Variants in CASQ2 observed in about 807,000 individuals in gnomAD.
The protein encoded by CASQ2 is calsequestrin 2, also known as calsequestrin-2.
A neutral mutation model predicts 46.5 loss-of-function variants in CASQ2; 49 were observed. The ratio of observed to expected loss-of-function variants is 1.05; its 90% CI spans 0.84 to 1.34. CASQ2 has a LOEUF of 1.34. CASQ2 is among the 40% of genes most tolerant of loss of function. CASQ2 has a pLI of 0.00. For missense variants in CASQ2, 486 were observed against 481.3 expected (o/e 1.01, Z -0.09); for synonymous variants, 174 against 168.5 (o/e 1.03, Z -0.25).
At chr1:115,760,231 T>A (rs906167359) in intron 1 of CASQ2, among the ~76,000 whole-genome samples, 1 of 152,248 alleles carries the variant, frequency 6.6e-6, no homozygotes, top group African/African-American at 2.4e-5. Context: ...AACATGATTC[T>A]GGTCATCTGG....
intron 7 of CASQ2, among the ~76,000 whole-genome samples, chr1:115,722,530 G>A (rs1175457330): frequency 6.6e-6 from 1 of 152,162 alleles, no homozygotes; most frequent in Non-Finnish European, 1.5e-5. Context: ...GCTATGACAG[G>A]AAGGAAAGAC....
chr1:115,718,046 C>T (rs1392388346), intron 7 of CASQ2, 152 bp from the exon 8 acceptor site: 23 of 701,772 alleles, frequency 3.3e-5, no homozygotes, highest in Non-Finnish European at 4.7e-5. Context: ...AGGAGTACAG[C>T]GGGGCTCACA....
At chr1:115,736,550 T>A (rs570712663) in intron 4 of CASQ2, among the ~76,000 whole-genome samples, 1 of 151,966 alleles carries the variant, frequency 6.6e-6, no homozygotes, top group Non-Finnish European at 1.5e-5. Context: ...GGCAGGAGAA[T>A]CACTTGAACC....
At chr1:115,751,038 CA>C in intron 1 of CASQ2, among the ~76,000 whole-genome samples, 1 of 151,784 alleles carries the variant, frequency 6.6e-6, no homozygotes, top group Admixed American at 6.6e-5. Context: ...GACTTGTCCA[CA>C]AGCCTGTGCT....
chr1:115,743,725 C>G (rs1024428617), intron 2 of CASQ2, among the ~76,000 whole-genome samples: 2 of 148,736 alleles, frequency 1.3e-5, no homozygotes, highest in Non-Finnish European at 3.0e-5. Flanking sequence ...TACTCCAAAT[C>G]CAATTAACCT....
At chr1:115,743,508 TG>T (rs1177623221) in intron 2 of CASQ2, among the ~76,000 whole-genome samples, 1 of 152,224 alleles carries the variant, frequency 6.6e-6, no homozygotes, top group African/African-American at 2.4e-5. Context: ...CCTCCCAAAG[TG>T]CCCAGACATT....
intron 7 of CASQ2, 26 bp downstream of exon 7, chr1:115,725,482 G>A (rs761205574): frequency 1.2e-6 from 2 of 1,608,104 alleles, no homozygotes; most frequent in Non-Finnish European, 1.7e-6. Context: ...TCTCTACAAG[G>A]CAAAGAGAGT....
intron 1 of CASQ2, among the ~76,000 whole-genome samples, chr1:115,760,587 G>T (rs948504769): frequency 3.3e-5 from 5 of 152,190 alleles, no homozygotes; most frequent in Non-Finnish European, 5.9e-5. Context: ...TAAGCGTCAG[G>T]TTTCAAGTGG....
chr1:115,738,168 AC>A, intron 4 of CASQ2, 55 bp downstream of exon 4: 1 of 1,053,956 alleles, frequency 9.5e-7, no homozygotes. Flanking sequence ...AACCTGACAT[AC>A]CTTGTTTGGA....
chr1:115,711,126 G>A (rs1158995097), intron 8 of CASQ2, among the ~76,000 whole-genome samples: 3 of 152,178 alleles, frequency 2.0e-5, no homozygotes, highest in African/African-American at 7.2e-5. Context: ...CCACTCCTGG[G>A]GGAGCTGGCT....
intron 1 of CASQ2, among the ~76,000 whole-genome samples, chr1:115,761,498 AG>A (rs1648957466): frequency 1.4e-5 from 1 of 71,426 alleles, no homozygotes; most frequent in African/African-American, 6.8e-5. Context: ...GAGAAGAAGG[AG>A]AAGAAGAAGA....
intron 2 of CASQ2, among the ~76,000 whole-genome samples, chr1:115,743,036 C>T (rs1409806953): frequency 6.6e-6 from 1 of 152,038 alleles, no homozygotes; most frequent in Non-Finnish European, 1.5e-5. Context: ...GATCCGCCTG[C>T]CTTGGCCTCC....
intron 1 of CASQ2, among the ~76,000 whole-genome samples, chr1:115,759,812 T>C (rs1648878784): frequency 6.6e-6 from 1 of 152,190 alleles, no homozygotes; most frequent in African/African-American, 2.4e-5. Flanking sequence ...GGTTCTTAGA[T>C]TTGCCATCTC....
chr1:115,753,003 C>T (rs898972604), intron 1 of CASQ2, among the ~76,000 whole-genome samples: 1 of 151,884 alleles, frequency 6.6e-6, no homozygotes, highest in Non-Finnish European at 1.5e-5. Flanking sequence ...GGAGAGAGAT[C>T]AAAGAAGAGG....
chr1:115,715,634 G>T (rs1308192331), intron 8 of CASQ2, among the ~76,000 whole-genome samples: 1 of 152,172 alleles, frequency 6.6e-6, no homozygotes, highest in African/African-American at 2.4e-5. Context: ...ACAACTTTGT[G>T]AATGTCCTAA....
chr1:115,761,938 C>T (rs543415778), intron 1 of CASQ2, among the ~76,000 whole-genome samples: 2 of 152,094 alleles, frequency 1.3e-5, no homozygotes, highest in African/African-American at 4.8e-5. Flanking sequence ...CATTTAATAC[C>T]GAAGAAAGCT....
rs1368212930 is a variant in CASQ2, at chr1:115,740,675, C to T, written c.420+53G>A. The T allele has an allele frequency of 1.4e-5, 16 of 1,118,026 alleles. No homozygotes were observed. In the Admixed American group the frequency reaches 2.4e-4, roughly 17 times the overall value. 69.3% of individuals were successfully genotyped at this position (1,118,026 alleles called of 1,614,324 possible). On this transcript the variant is annotated intron_variant, in intron 3 of 10. Coordinates refer to ENST00000261448, the MANE Select transcript of CASQ2 (RefSeq NM_001232.4). ...CCTTTCTTTGGGGTTCTATCTCTCC[C>T]TATATTTGAGGAGAGGCAGCTCCAT...
chr1:115,701,104 G>T lies in CASQ2; in HGVS notation c.*137C>A. ...TGAATGATGCTGCTCCTGACGCAAA[G>T]GGAGTGGGAAAAGAGATGATGGAAA... On this transcript the variant is annotated 3_prime_UTR_variant, in exon 11 of 11. Coordinates refer to ENST00000261448, the MANE Select transcript of CASQ2 (RefSeq NM_001232.4). The T allele has an allele frequency of 7.5e-7, 1 of 1,329,848 alleles. No individual in the cohort carries two copies. Among genetic ancestry groups the T allele is most frequent in the Non-Finnish European group, 1.1e-6 (1 of 924,922 alleles). The allele number at this position is 1,329,848 out of a possible 1,614,324, so 82.4% of individuals were successfully genotyped here.
chr1:115,736,656 G>A (rs777343079), intron 4 of CASQ2, among the ~76,000 whole-genome samples: 1 of 152,112 alleles, frequency 6.6e-6, no homozygotes, highest in East Asian at 1.9e-4. Context: ...CTATATTCTT[G>A]AGGCAAGCAT....
Sources: allele counts gnomAD v4.1 joint callset (sites outside exome capture counted in the v4.1 genomes callset), GRCh38; gene constraint gnomAD v4.1.1; transcripts MANE v1.5; gene names NCBI Gene and HGNC (gene_info 2026-07-23, HGNC 2026-07-21).